IQCH: variants seen among roughly 807,000 people sequenced by gnomAD.
IQCH encodes IQ motif containing H, also known as IQ domain-containing protein H.
In IQCH, 98 loss-of-function variants were observed where a neutral mutation model predicts 117.0. The ratio of observed to expected loss-of-function variants is 0.84; its 90% CI spans 0.71 to 0.99. The LOEUF is 0.99. IQCH is among the 50% of genes least tolerant of loss of function. IQCH has a pLI of 0.00. For missense variants in IQCH, 1,102 were observed against 1,243.8 expected (o/e 0.89, Z 1.72); for synonymous variants, 412 against 448.2 (o/e 0.92, Z 1.02).
rs1470249032 is a variant in IQCH at position 67,424,390 on chromosome 15, G to A, written c.2505+2813G>A. ...TTTTAGGTTTTCATATCATTGTGTA[G>A]CTGTGTGTGAGCATTCCTCGTACCA... On this transcript the variant is annotated intron_variant, in intron 16 of 20. Coordinates refer to ENST00000335894, the MANE Select transcript of IQCH (RefSeq NM_001031715.3). This position sits in a 1 kb window ranked among gnomAD's most constrained non-coding sequence, Gnocchi z 4.9. 2.0e-5 allele frequency among the ~76,000 whole-genome samples: 3 copies of A among 152,150 alleles called. No individual in the cohort carries two copies. The highest frequency in any genetic ancestry group is 4.4e-5 in the Non-Finnish European group (3 of 68,034).
intron 20 of IQCH, among the ~76,000 whole-genome samples, chr15:67,495,592 A>T (rs1461294671): frequency 6.6e-6 from 1 of 152,202 alleles, no homozygotes; most frequent in Non-Finnish European, 1.5e-5. Context: ...CATTTCATCC[A>T]TTCAGCCTGT....
chr15:67,418,394 A>G (rs1252353448), intron 15 of IQCH, among the ~76,000 whole-genome samples: 1 of 151,990 alleles, frequency 6.6e-6, no homozygotes, highest in Non-Finnish European at 1.5e-5. Context: ...GTGCTAGACA[A>G]GTTCCAATGT....
rs1320962705 is a variant in IQCH, at chr15:67,381,741, G to T, written c.1373-3195G>T. Among the ~76,000 whole-genome samples the T allele has an allele frequency of 6.6e-6, 1 of 152,178 alleles. No homozygotes were observed. The highest frequency in any genetic ancestry group is 1.5e-5 in the Non-Finnish European group (1 of 68,020). ...CATGCCTATAATACCAGCACTTTGG[G>T]AGGCTGAGGTGGGTGGATCACTTTA... On this transcript the variant is annotated intron_variant, in intron 10 of 20. Transcript: ENST00000335894. The surrounding 1 kb of genome is among the most constrained non-coding windows in gnomAD (Gnocchi z 5.1).
intron 4 of IQCH, among the ~76,000 whole-genome samples, chr15:67,308,839 G>C (rs1967442084): frequency 6.6e-6 from 1 of 151,952 alleles, no homozygotes; most frequent in African/African-American, 2.4e-5. Flanking sequence ...ATTGCTCTGG[G>C]AGCAGGGAGA....
rs941206332 is a variant in IQCH at position 67,463,076 on chromosome 15, G to T, written c.2506-2051G>T. Reference sequence around the variant, plus strand: ...GACCTCTTAATATCCTTATAATGACGCCATTTACATTCAATGCTTACTCAA... The same window carrying T: ...GACCTCTTAATATCCTTATAATGACTCCATTTACATTCAATGCTTACTCAA... On this transcript the variant is annotated intron_variant, in intron 16 of 20. Transcript: ENST00000335894. The surrounding 1 kb of genome is among the most constrained non-coding windows in gnomAD (Gnocchi z 4.0). 2.0e-5 allele frequency among the ~76,000 whole-genome samples: 3 copies of T among 152,100 alleles called. No individual in the cohort carries two copies. The South Asian group carries it at 6.2e-4, about 32-fold the overall frequency.
intron 16 of IQCH, among the ~76,000 whole-genome samples, chr15:67,440,178 G>C (rs568817780): frequency 1.3e-5 from 2 of 152,092 alleles, no homozygotes; most frequent in Non-Finnish European, 2.9e-5. Context: ...GGAAGAATTA[G>C]ATACCCTGAA....
chr15:67,382,817 T>C (rs1970980861), intron 10 of IQCH, among the ~76,000 whole-genome samples: 1 of 152,200 alleles, frequency 6.6e-6, no homozygotes, highest in African/African-American at 2.4e-5. Flanking sequence ...TCATTGTAGA[T>C]TATATCCCAA....
chr15:67,265,826 G>T (rs566707853), intron 3 of IQCH, among the ~76,000 whole-genome samples: 261 of 152,300 alleles, frequency 1.7e-3, no homozygotes, highest in African/African-American at 5.9e-3. Flanking sequence ...TCCAAAGCAG[G>T]TTACAGAGCC....
At chr15:67,498,808 C>T (rs943442743) in intron 20 of IQCH, among the ~76,000 whole-genome samples, 1 of 152,030 alleles carries the variant, frequency 6.6e-6, no homozygotes, top group Non-Finnish European at 1.5e-5. Context: ...TTTAAAACTT[C>T]GTGCATCAAA....
rs114386887 is a variant in IQCH, at chr15:67,351,400, A to G, written c.638-5945A>G. ...GTGATGGTTTGAATAGACCATAGTT[A>G]ATTTATCCAGTCTTCTGTTGATGGA... On this transcript the variant is annotated intron_variant, in intron 6 of 20. Transcript: ENST00000335894. 4.4e-3 allele frequency among the ~76,000 whole-genome samples: 663 copies of G among 152,194 alleles called. 4 individuals carry two copies. Among genetic ancestry groups the G allele is most frequent in the African/African-American group, 0.015 (623 of 41,516 alleles).
intron 4 of IQCH, among the ~76,000 whole-genome samples, chr15:67,309,481 G>A (rs1038892886): frequency 2.6e-5 from 4 of 152,034 alleles, no homozygotes; most frequent in Non-Finnish European, 4.4e-5. Flanking sequence ...TTAAGGACAG[G>A]ACTGATTTGT....
intron 16 of IQCH, among the ~76,000 whole-genome samples, chr15:67,442,858 A>AGAT (rs1044423273): frequency 1.4e-5 from 2 of 141,790 alleles, no homozygotes; most frequent in African/African-American, 5.4e-5. Flanking sequence ...ATAGATAGAT[A>AGAT]GATAGATATA....
chr15:67,340,949 C>T (rs1373967541), intron 5 of IQCH, among the ~76,000 whole-genome samples: 1 of 152,214 alleles, frequency 6.6e-6, no homozygotes, highest in Admixed American at 6.5e-5. Context: ...CGGCTCATGC[C>T]TCTAATCCCA....
chr15:67,355,289 A>G (rs1257331872), intron 6 of IQCH, among the ~76,000 whole-genome samples: 2 of 152,194 alleles, frequency 1.3e-5, no homozygotes, highest in Non-Finnish European at 2.9e-5. Flanking sequence ...CTGGGGCTCT[A>G]AAATTAGTAA....
At chr15:67,357,850 T>TATC (rs5813437) in intron 7 of IQCH, among the ~76,000 whole-genome samples, 44,907 of 151,658 alleles carry the variant, frequency 0.3, 6,847 homozygotes, top group African/African-American at 0.37. Flanking sequence ...AATTCTGTAT[T>TATC]ATCATTATTA....
At position 67,463,564 on chromosome 15, in the gene IQCH, G is replaced by T. The variant is rs1399020432; in HGVS notation, c.2506-1563G>T. 6.6e-6 allele frequency among the ~76,000 whole-genome samples: 1 copy of T among 152,122 alleles called. No homozygotes were observed. Among genetic ancestry groups the T allele is most frequent in the African/African-American group, 2.4e-5 (1 of 41,412 alleles). On this transcript the variant is annotated intron_variant, in intron 16 of 20. Transcript: ENST00000335894. The surrounding 1 kb of genome is among the most constrained non-coding windows in gnomAD (Gnocchi z 4.0). ...CCTCAGTTTCTTCATCTGTGACATG[G>T]GGTTGTTATTTTTTAGGCTACCACA... is the stretch of plus-strand genomic sequence containing the variant.
intron 5 of IQCH, among the ~76,000 whole-genome samples, chr15:67,339,307 A>G (rs1969038257): frequency 6.6e-6 from 1 of 152,218 alleles, no homozygotes; most frequent in Admixed American, 6.5e-5. Flanking sequence ...AAAAACAGCT[A>G]AAATCATGAC....
chr15:67,362,579 A>T (rs1970182220), intron 8 of IQCH, among the ~76,000 whole-genome samples: 1 of 152,252 alleles, frequency 6.6e-6, no homozygotes, highest in Non-Finnish European at 1.5e-5. Context: ...CATTAAACAT[A>T]TCACTGCCCC....
Position 67,363,087 on chromosome 15 carries a change from A to AT in IQCH, c.753+3209dup, listed in dbSNP as rs553219881. On this transcript the variant is annotated intron_variant, in intron 8 of 20. Transcript: ENST00000335894. ...AAGATTCAAAAGCAAGTCCAAAGCT[A>AT]TTTTTTTCTCTTTTAGACTCATTCT... Among the ~76,000 whole-genome samples the AT allele has an allele frequency of 1.1e-4, 17 of 152,198 alleles. No individual in the cohort carries two copies. In the East Asian group the frequency reaches 2.7e-3, roughly 24 times the overall value.
Sources: gnomAD v4.1 joint callset for allele counts (sites outside exome capture counted in the v4.1 genomes callset) on GRCh38, gnomAD v4.1.1 for gene constraint, Gnocchi (gnomAD v3.1) non-coding constraint, MANE v1.5 for transcripts, NCBI Gene and HGNC (gene_info 2026-07-23, HGNC 2026-07-21) for gene names.